Variants in TMEM30A observed in about 807,000 individuals in gnomAD.
TMEM30A encodes the protein cell cycle control protein 50A.
Under a neutral mutation model 38.2 loss-of-function variants are expected in TMEM30A, and 24 were observed. That is an observed-to-expected ratio of 0.63 (90% CI 0.46 to 0.88). The LOEUF is 0.88. TMEM30A is among the 40% of genes least tolerant of loss of function. The pLI, the probability that TMEM30A is intolerant of heterozygous loss-of-function variation, is 0.00. For synonymous variants in TMEM30A, 145 were observed against 161.6 expected (o/e 0.90, Z 0.78); for missense variants, 370 against 458.6 (o/e 0.81, Z 1.77).
chr6:75,283,320 TG>T (rs1772392222), intron 1 of TMEM30A, among the ~76,000 whole-genome samples: 1 of 151,358 alleles, frequency 6.6e-6, no homozygotes, highest in Admixed American at 6.6e-5. Context: ...TGTGTGTGTG[TG>T]TGTGTGTGTG....
intron 1 of TMEM30A, among the ~76,000 whole-genome samples, chr6:75,282,870 T>C (rs1402260431): frequency 1.3e-5 from 2 of 152,176 alleles, no homozygotes; most frequent in East Asian, 1.9e-4. Context: ...AGCTGGTTAG[T>C]AGCTGAGCTG....
intron 1 of TMEM30A, among the ~76,000 whole-genome samples, chr6:75,275,867 T>C (rs1562397713): frequency 6.6e-6 from 1 of 152,180 alleles, no homozygotes; most frequent in African/African-American, 2.4e-5. Context: ...GTGTCTTTCA[T>C]ATGCTAATGA....
Position 75,260,806 on chromosome 6 carries a change from T to G in TMEM30A, c.541+18A>C. The G allele has an allele frequency of 6.7e-7, 1 of 1,485,600 alleles. No individual in the cohort carries two copies. Among genetic ancestry groups the G allele is most frequent in the African/African-American group, 1.4e-5 (1 of 70,624 alleles). 92.0% of individuals were successfully genotyped at this position (1,485,600 alleles called of 1,614,324 possible). On this transcript the variant is annotated intron_variant, in intron 4 of 6. Coordinates refer to ENST00000230461, the MANE Select transcript of TMEM30A (RefSeq NM_018247.4). Reference sequence around the variant, plus strand: ...ATTGTCCTAATTATATATGTCTATATTTGTATCTATATCATACCATTAAAC... The same window carrying G: ...ATTGTCCTAATTATATATGTCTATAGTTGTATCTATATCATACCATTAAAC...
In TMEM30A at chr6:75,258,932, G is replaced by A. The variant is rs1364071041; in HGVS notation, c.740C>T (p.Pro247Leu). ...LKPVYMLDSD[P>L]DNNGFINEDF... ...CTCATTTATGAATCCATTATTATCT[G>A]GGTCAGAATCCAGCATGTAAACTGG... The change falls in exon 6 of 7, where the codon CCA becomes CTA. Residue 247 changes from proline (P) to leucine (L), a missense_variant. Coordinates refer to ENST00000230461, the MANE Select transcript of TMEM30A (RefSeq NM_018247.4). The A allele has an allele frequency of 3.1e-6, 5 of 1,613,852 alleles. No homozygotes were observed. Among genetic ancestry groups the A allele is most frequent in the Non-Finnish European group, 4.2e-6 (5 of 1,179,918 alleles).
chr6:75,270,898 A>T (rs1362480539), intron 1 of TMEM30A, among the ~76,000 whole-genome samples: 1 of 152,180 alleles, frequency 6.6e-6, no homozygotes, highest in Non-Finnish European at 1.5e-5. Context: ...CTAGTCACAT[A>T]ACTAAAACAA....
chr6:75,283,287 C>A (rs1476423737), intron 1 of TMEM30A, among the ~76,000 whole-genome samples: 1 of 141,740 alleles, frequency 7.1e-6, no homozygotes, highest in Non-Finnish European at 1.5e-5. Context: ...CCCATTAAAT[C>A]ACAAAGTATA....
intron 1 of TMEM30A, among the ~76,000 whole-genome samples, chr6:75,269,488 A>G (rs138026381): frequency 6.2e-4 from 95 of 152,284 alleles, no homozygotes; most frequent in African/African-American, 2.2e-3. Context: ...ATTTATTTTT[A>G]GCAATAAATA....
At chr6:75,257,440 C>A (rs922826949) in intron 6 of TMEM30A, among the ~76,000 whole-genome samples, 1 of 152,154 alleles carries the variant, frequency 6.6e-6, no homozygotes, top group African/African-American at 2.4e-5. Flanking sequence ...GTATGGAAAT[C>A]ATCTATCAAC....
intron 1 of TMEM30A, among the ~76,000 whole-genome samples, chr6:75,276,792 G>A (rs914537614): frequency 6.6e-6 from 1 of 152,144 alleles, no homozygotes; most frequent in African/African-American, 2.4e-5. Context: ...AGTGCTTCAT[G>A]TGATATTCCT....
intron 1 of TMEM30A, among the ~76,000 whole-genome samples, chr6:75,275,047 C>CT (rs1217723297): frequency 1.3e-5 from 2 of 150,682 alleles, no homozygotes; most frequent in Admixed American, 6.6e-5. Context: ...CAGTCCTGCT[C>CT]TTCTGTGAAC....
In TMEM30A at chr6:75,254,967, TTTAA is replaced by T. The variant is rs1771844326; in HGVS notation, c.*1131_*1134del. ...TGTACATACTCCAAAATCCCCATAA[TTTAA>T]TTAGGAAATTTATAGAACATCTTTT... On this transcript the variant is annotated 3_prime_UTR_variant, in exon 7 of 7. Transcript: ENST00000230461. 6.6e-6 allele frequency: 1 copy of T among 152,506 alleles called. No individual in the cohort carries two copies. Among genetic ancestry groups the T allele is most frequent in the East Asian group, 1.9e-4 (1 of 5,196 alleles). 9.4% of individuals were successfully genotyped at this position (152,506 alleles called of 1,614,324 possible).
chr6:75,265,382 C>T, intron 2 of TMEM30A, 44 bp from the exon 3 acceptor site: 1 of 1,163,178 alleles, frequency 8.6e-7, no homozygotes, highest in Non-Finnish European at 1.2e-6. Flanking sequence ...AAAAACTATT[C>T]TGTATAAACT....
Position 75,258,989 on chromosome 6 carries a change from TA to T in TMEM30A, c.686-4del. On this transcript the variant is annotated splice_polypyrimidine_tract_variant and splice_region_variant and intron_variant, in intron 5 of 6. Coordinates refer to ENST00000230461, the MANE Select transcript of TMEM30A (RefSeq NM_018247.4). ...CCAGTTCACAGGCTTTGTTGTACCT[TA>T]AAAGGAGTGGGGAGGGGATAAGGAG... The T allele has an allele frequency of 2.5e-6, 4 of 1,612,218 alleles. No individual in the cohort carries two copies. The highest frequency in any genetic ancestry group is 3.4e-6 in the Non-Finnish European group (4 of 1,179,258).
chr6:75,281,580 A>C (rs1451629984), intron 1 of TMEM30A, among the ~76,000 whole-genome samples: 2 of 152,148 alleles, frequency 1.3e-5, no homozygotes, highest in Non-Finnish European at 2.9e-5. Context: ...AGGGGTGTCC[A>C]AGACACTTTT....
intron 1 of TMEM30A, among the ~76,000 whole-genome samples, chr6:75,275,604 C>T (rs1260057276): frequency 6.6e-6 from 1 of 152,128 alleles, no homozygotes; most frequent in Non-Finnish European, 1.5e-5. Flanking sequence ...TTCTCTTACA[C>T]CCCATATATC....
At chr6:75,265,848 C>CA (rs1400613494) in intron 2 of TMEM30A, among the ~76,000 whole-genome samples, 1 of 152,068 alleles carries the variant, frequency 6.6e-6, no homozygotes, top group Admixed American at 6.5e-5. Flanking sequence ...AGGTCTGTAG[C>CA]ACCACGTGCA....
intron 1 of TMEM30A, among the ~76,000 whole-genome samples, chr6:75,273,983 T>C (rs1772217695): frequency 6.6e-6 from 1 of 152,142 alleles, no homozygotes; most frequent in South Asian, 2.1e-4. Flanking sequence ...GAAAAATACA[T>C]TGTTCATGCT....
chr6:75,268,375 T>G (rs935010941), intron 1 of TMEM30A, among the ~76,000 whole-genome samples: 2 of 152,226 alleles, frequency 1.3e-5, no homozygotes, highest in African/African-American at 2.4e-5. Flanking sequence ...ACTAATTGTG[T>G]GATTGCGGAC....
chr6:75,278,061 G>A (rs1410829403), intron 1 of TMEM30A, among the ~76,000 whole-genome samples: 1 of 151,848 alleles, frequency 6.6e-6, no homozygotes, highest in Non-Finnish European at 1.5e-5. Flanking sequence ...TTTTTTTTAA[G>A]TATCAGCAAA....
Sources: allele counts gnomAD v4.1 joint callset (sites outside exome capture counted in the v4.1 genomes callset), GRCh38; gene constraint gnomAD v4.1.1; transcripts MANE v1.5; gene names NCBI Gene and HGNC (gene_info 2026-07-23, HGNC 2026-07-21).